SLC9A9: variants seen among roughly 807,000 people sequenced by gnomAD.
SLC9A9 encodes the protein sodium/hydrogen exchanger 9.
A neutral mutation model predicts 77.8 loss-of-function variants in SLC9A9; 62 were observed. That is an observed-to-expected ratio of 0.80 (90% CI 0.65 to 0.98). The LOEUF is 0.98. Ranked by LOEUF, SLC9A9 falls within the 50% of genes least tolerant of loss-of-function variation. The probability of loss-of-function intolerance (pLI) is 0.00; values close to 1 mark genes in which losing one functional copy is unlikely to be tolerated. For missense variants in SLC9A9, 775 were observed against 774.9 expected, an observed-to-expected ratio of 1.00 and a Z score of 0.00; for synonymous variants, 320 against 283.5, an observed-to-expected ratio of 1.13 and a Z score of -1.29.
chr3:143,499,456 T>C (rs984891800), intron 9 of SLC9A9, among the ~76,000 whole-genome samples: 2 of 152,158 alleles, frequency 1.3e-5, no homozygotes, highest in African/African-American at 4.8e-5. Flanking sequence ...TAGATTCACA[T>C]ATACAATTGA....
At chr3:143,752,864 A>G (rs1032921518) in intron 4 of SLC9A9, among the ~76,000 whole-genome samples, 22 of 152,150 alleles carry the variant, frequency 1.4e-4, no homozygotes. Flanking sequence ...CCTTAGAGAC[A>G]TATTGTTGTT....
At chr3:143,294,885 C>A (rs2108421003) in intron 14 of SLC9A9, among the ~76,000 whole-genome samples, 1 of 152,254 alleles carries the variant, frequency 6.6e-6, no homozygotes, top group South Asian at 2.1e-4. Flanking sequence ...ATAACATTAT[C>A]ATGAGGATTA....
intron 5 of SLC9A9, among the ~76,000 whole-genome samples, chr3:143,676,693 C>T (rs1490681188): frequency 1.3e-5 from 2 of 151,974 alleles, no homozygotes; most frequent in African/African-American, 4.8e-5. Flanking sequence ...GCCGAGATCA[C>T]GCCACTGCAC....
intron 9 of SLC9A9, among the ~76,000 whole-genome samples, chr3:143,505,251 G>A (rs182242347): frequency 6.6e-5 from 10 of 152,138 alleles, no homozygotes; most frequent in African/African-American, 2.4e-4. Flanking sequence ...CAAAACCAAA[G>A]CTCTTGCCAT....
At chr3:143,327,538 T>G (rs1034991322) in intron 14 of SLC9A9, among the ~76,000 whole-genome samples, 1 of 152,304 alleles carries the variant, frequency 6.6e-6, no homozygotes, top group African/African-American at 2.4e-5. Flanking sequence ...GCCCTGAGGC[T>G]TTTCCTGTTT....
chr3:143,672,453 A>T (rs2039172535), intron 5 of SLC9A9, among the ~76,000 whole-genome samples: 1 of 152,246 alleles, frequency 6.6e-6, no homozygotes, highest in Admixed American at 6.5e-5. Context: ...GAAGGAAAAC[A>T]AAACTGAAAA....
At chr3:143,791,781 C>G (rs2008232964) in intron 4 of SLC9A9, among the ~76,000 whole-genome samples, 1 of 152,192 alleles carries the variant, frequency 6.6e-6, no homozygotes. Flanking sequence ...TCATGCAAAT[C>G]TGCGTATATC....
At chr3:143,435,499 T>C (rs2034605395) in intron 12 of SLC9A9, among the ~76,000 whole-genome samples, 1 of 152,364 alleles carries the variant, frequency 6.6e-6, no homozygotes, top group Middle Eastern at 3.4e-3. Context: ...GTTATAGTTC[T>C]ATGGCAAACT....
At position 143,834,169 on chromosome 3, in the gene SLC9A9, C is replaced by G. The variant is rs565221954; in HGVS notation, c.176-1948G>C. 2.6e-5 allele frequency among the ~76,000 whole-genome samples: 4 copies of G among 152,248 alleles called. No individual in the cohort carries two copies. In the East Asian group the frequency reaches 7.7e-4, roughly 29 times the overall value. On this transcript the variant is annotated intron_variant, in intron 1 of 15. Coordinates refer to ENST00000316549, the MANE Select transcript of SLC9A9 (RefSeq NM_173653.4). ...CTGCTTCAGTGTTTGGCTGACTCCTCCAGAGTAATTAGAAAAATTGTATCC... is the reference window on the plus strand; with the variant it reads ...CTGCTTCAGTGTTTGGCTGACTCCTGCAGAGTAATTAGAAAAATTGTATCC...
chr3:143,280,542 A>ATTTTTTT (rs58879877), intron 14 of SLC9A9, among the ~76,000 whole-genome samples: 1 of 118,172 alleles, frequency 8.5e-6, no homozygotes, highest in Non-Finnish European at 1.8e-5. Context: ...CTAGAACTAC[A>ATTTTTTT]TTTTTTTTTT....
At chr3:143,381,845 G>A (rs2033310723) in intron 13 of SLC9A9, 2 of 582,404 alleles carry the variant, frequency 3.4e-6, no homozygotes, top group African/African-American at 3.7e-5. Context: ...GCCATAGAGA[G>A]GCTTGCAAGT....
intron 4 of SLC9A9, among the ~76,000 whole-genome samples, chr3:143,730,405 G>A (rs1433720867): frequency 4.6e-5 from 7 of 152,172 alleles, no homozygotes; most frequent in African/African-American, 1.7e-4. Context: ...TACAAGGCCT[G>A]CCTCTCTGCA....
intron 5 of SLC9A9, among the ~76,000 whole-genome samples, chr3:143,659,416 T>C (rs914656221): frequency 6.6e-6 from 1 of 152,308 alleles, no homozygotes; most frequent in Non-Finnish European, 1.5e-5. Flanking sequence ...CCCAAACAAA[T>C]GTTTCTCTTG....
chr3:143,583,008 C>T (rs2037481958), intron 6 of SLC9A9, among the ~76,000 whole-genome samples: 1 of 152,114 alleles, frequency 6.6e-6, no homozygotes, highest in Admixed American at 6.5e-5. Flanking sequence ...CAGAAATTAG[C>T]TGGGTGTGAT....
chr3:143,468,928 G>A (rs2035331133), intron 11 of SLC9A9, among the ~76,000 whole-genome samples: 1 of 152,208 alleles, frequency 6.6e-6, no homozygotes, highest in Non-Finnish European at 1.5e-5. Context: ...TCGGGAGGCC[G>A]AGGTGGGCAG....
At chr3:143,808,693 G>T (rs923515738) in intron 2 of SLC9A9, among the ~76,000 whole-genome samples, 1 of 152,040 alleles carries the variant, frequency 6.6e-6, no homozygotes, top group Non-Finnish European at 1.5e-5. Flanking sequence ...AAATTTCCTG[G>T]GTTCACATCC....
At position 143,265,658 on chromosome 3, in the gene SLC9A9, T is replaced by A. The variant is rs1002219939; in HGVS notation, c.*1044A>T. The A allele has an allele frequency of 1.3e-5, 5 of 394,740 alleles. No individual in the cohort carries two copies. Among genetic ancestry groups the A allele is most frequent in the Non-Finnish European group, 2.2e-5 (5 of 224,396 alleles). 24.5% of individuals were successfully genotyped at this position (394,740 alleles called of 1,614,324 possible). A position where few individuals can be genotyped will look rare whatever the true frequency, so the allele number is the denominator to read the frequency against. On this transcript the variant is annotated 3_prime_UTR_variant, in exon 16 of 16. Transcript: ENST00000316549. ...GCTGAATTAAAAGCTATCATGTTGG[T>A]CTCTGGAATGCAGGCCATGAGCCAC...
At chr3:143,298,379 TG>T (rs1318560028) in intron 14 of SLC9A9, among the ~76,000 whole-genome samples, 1 of 152,236 alleles carries the variant, frequency 6.6e-6, no homozygotes, top group Non-Finnish European at 1.5e-5. Context: ...TTCTCCTTGT[TG>T]GATCATAGTC....
intron 6 of SLC9A9, among the ~76,000 whole-genome samples, chr3:143,637,372 G>A (rs905853949): frequency 2.0e-5 from 3 of 152,104 alleles, no homozygotes; most frequent in African/African-American, 7.2e-5. Flanking sequence ...ATTAGACAAA[G>A]CAGAAAAATT....
Sources: gnomAD v4.1 joint callset for allele counts (sites outside exome capture counted in the v4.1 genomes callset) on GRCh38, gnomAD v4.1.1 for gene constraint, MANE v1.5 for transcripts, NCBI Gene and HGNC (gene_info 2026-07-23, HGNC 2026-07-21) for gene names.